The following DNAH3 variants were observed in gnomAD, a reference collection of about 807,000 sequenced individuals.
DNAH3 encodes the protein dynein axonemal heavy chain 3, also known as axonemal beta dynein heavy chain 3.
Under a neutral mutation model 432.5 loss-of-function variants are expected in DNAH3, and 332 were observed. That is an observed-to-expected ratio of 0.77 (90% CI 0.70 to 0.84). The LOEUF is 0.84. Ranked by LOEUF, DNAH3 falls within the 40% of genes least tolerant of loss-of-function variation. DNAH3 has a pLI of 0.00. For missense variants in DNAH3, 4,861 were observed against 5,114.0 expected (o/e 0.95, Z 1.51); for synonymous variants, 1,956 against 1,900.2 (o/e 1.03, Z -0.76).
At chr16:21,070,004 A>G (rs1399040609) in intron 22 of DNAH3, among the ~76,000 whole-genome samples, 1 of 152,198 alleles carries the variant, frequency 6.6e-6, no homozygotes, top group African/African-American at 2.4e-5. Context: ...TCACACCACT[A>G]GTAAGGAGCA....
chr16:20,933,132 TTC>T, exon 62 of DNAH3: 5 of 1,589,786 alleles, frequency 3.1e-6, no homozygotes, highest in Non-Finnish European at 4.3e-6. Context: ...GCTTTTTATT[TTC>T]TGTCTTGAGA....
At chr16:21,137,462 G>A (rs534043624) in intron 5 of DNAH3, among the ~76,000 whole-genome samples, 7 of 145,604 alleles carry the variant, frequency 4.8e-5, no homozygotes, top group South Asian at 2.2e-4. Context: ...CACTTTTGTC[G>A]CTCAGGCTGG....
chr16:20,986,605 G>A (rs1157960276), intron 47 of DNAH3, among the ~76,000 whole-genome samples: 1 of 152,154 alleles, frequency 6.6e-6, no homozygotes, highest in Non-Finnish European at 1.5e-5. Flanking sequence ...TGATCAGTTT[G>A]TACGGTCCCC....
At chr16:21,014,908 C>T (rs1185928500) in intron 41 of DNAH3, among the ~76,000 whole-genome samples, 3 of 148,294 alleles carry the variant, frequency 2.0e-5, no homozygotes, top group Non-Finnish European at 3.0e-5. Flanking sequence ...ATGAGGAAAA[C>T]TATAAAACTC....
At chr16:21,036,829 A>G in exon 35 of DNAH3, 1 of 1,610,168 alleles carries the variant, frequency 6.2e-7, no homozygotes. Context: ...AACTCCAGGA[A>G]ATAAATCAGA....
chr16:21,121,119 T>C (rs1016519469), intron 10 of DNAH3: 2 of 572,758 alleles, frequency 3.5e-6, no homozygotes, highest in African/African-American at 3.7e-5. Flanking sequence ...AGTGAGAAGG[T>C]GGAAGGGTGA....
At chr16:20,985,704 G>A (rs773651989) in exon 48 of DNAH3, 2 of 1,613,244 alleles carry the variant, frequency 1.2e-6, no homozygotes, top group African/African-American at 1.3e-5. Flanking sequence ...TGGGTGACAA[G>A]TGGATAAGCA....
chr16:21,140,811 A>G, intron 4 of DNAH3, 101 bp from the exon 6 acceptor site: 1 of 1,058,660 alleles, frequency 9.4e-7, no homozygotes, highest in Non-Finnish European at 1.4e-6. Flanking sequence ...TTCTGCAAAT[A>G]GAAGCCTCTC....
intron 53 of DNAH3, among the ~76,000 whole-genome samples, chr16:20,959,662 C>T (rs1453553152): frequency 6.6e-6 from 1 of 150,616 alleles, no homozygotes; most frequent in African/African-American, 2.5e-5. Context: ...CACACCCCAA[C>T]ACAAAAGGTG....
chr16:20,975,132 T>C, intron 51 of DNAH3, 101 bp downstream of exon 51: 2 of 1,421,240 alleles, frequency 1.4e-6, no homozygotes, highest in East Asian at 2.3e-5. Context: ...TGCCCAGCCT[T>C]GCCTACCCTT....
Position 20,987,476 on chromosome 16 carries a change from C to G in DNAH3, c.6883-28G>C, listed in dbSNP as rs369949327. The G allele has an allele frequency of 3.1e-6, 5 of 1,612,922 alleles. No individual in the cohort carries two copies. The East Asian group carries it at 1.1e-4, about 36-fold the overall frequency. Reference sequence around the variant, plus strand: ...AAAAATCCAGAGTTAATTATTCAAACGAGTGGAAGATGGTCCCTGAGGTGG... The same window carrying G: ...AAAAATCCAGAGTTAATTATTCAAAGGAGTGGAAGATGGTCCCTGAGGTGG... On this transcript the variant is annotated intron_variant, in intron 46 of 61. Coordinates refer to ENST00000261383, the Ensembl canonical transcript of DNAH3.
chr16:21,030,499 C>T (rs1389702105), intron 37 of DNAH3, among the ~76,000 whole-genome samples: 1 of 152,162 alleles, frequency 6.6e-6, no homozygotes, highest in East Asian at 1.9e-4. Context: ...CTAGCCTGAG[C>T]TGCCCCAGCT....
Position 21,093,194 on chromosome 16 carries a change from C to T in DNAH3, c.2665+4161G>A, listed in dbSNP as rs146215851. Among the ~76,000 whole-genome samples the T allele has an allele frequency of 2.8e-3, 420 of 152,284 alleles. 1 individual carries two copies. Among genetic ancestry groups the T allele is most frequent in the African/African-American group, 9.3e-3 (388 of 41,570 alleles). ...CATTTATATTGGTGGAAATACAAAACGGTACAGCAACTCTGAAAGACAGTT... is the reference window on the plus strand; with the variant it reads ...CATTTATATTGGTGGAAATACAAAATGGTACAGCAACTCTGAAAGACAGTT... On this transcript the variant is annotated intron_variant, in intron 18 of 61. Transcript: ENST00000261383.
chr16:20,985,542 G>A (rs368732128), exon 48 of DNAH3: 4 of 1,614,046 alleles, frequency 2.5e-6, no homozygotes, highest in Middle Eastern at 1.6e-4. Flanking sequence ...TGGGGGCCTT[G>A]CTGATGTTGT....
chr16:20,936,448 G>T (rs935444153), intron 60 of DNAH3, among the ~76,000 whole-genome samples: 1 of 152,032 alleles, frequency 6.6e-6, no homozygotes, highest in Non-Finnish European at 1.5e-5. Context: ...GAGCCACTGC[G>T]CCCGGCCGGC....
chr16:21,132,114 G>A (rs531949721), intron 7 of DNAH3, among the ~76,000 whole-genome samples: 4 of 152,048 alleles, frequency 2.6e-5, no homozygotes, highest in Non-Finnish European at 5.9e-5. Context: ...TCAAAGAAAA[G>A]AATACAGCTA....
intron 41 of DNAH3, among the ~76,000 whole-genome samples, chr16:21,003,954 A>C (rs1340527100): frequency 1.3e-5 from 2 of 152,296 alleles, no homozygotes; most frequent in East Asian, 3.9e-4. Flanking sequence ...TTTTATAAGA[A>C]GGGGACTCAT....
At chr16:21,148,764 T>G (rs1353902436) in intron 1 of DNAH3, among the ~76,000 whole-genome samples, 1 of 152,180 alleles carries the variant, frequency 6.6e-6, no homozygotes, top group Non-Finnish European at 1.5e-5. Context: ...CATCCCAGTC[T>G]GTCGATCAGG....
At chr16:21,003,645 C>A (rs533339974) in intron 41 of DNAH3, among the ~76,000 whole-genome samples, 1 of 151,908 alleles carries the variant, frequency 6.6e-6, no homozygotes, top group Non-Finnish European at 1.5e-5. Context: ...CATGGTGGCA[C>A]GTGCCTGTAG....
Sources: allele counts gnomAD v4.1 joint callset (sites outside exome capture counted in the v4.1 genomes callset), GRCh38; gene constraint gnomAD v4.1.1; transcripts MANE v1.5; gene names NCBI Gene and HGNC (gene_info 2026-07-23, HGNC 2026-07-21).